Variants in GPATCH2 observed in about 807,000 individuals in gnomAD.
GPATCH2 encodes G patch domain-containing protein 2.
Under a neutral mutation model 58.0 loss-of-function variants are expected in GPATCH2, and 51 were observed. That is an observed-to-expected ratio of 0.88 (90% confidence interval 0.70 to 1.11). The LOEUF is 1.11. Ranked by LOEUF, GPATCH2 falls within the 50% of genes most tolerant of loss-of-function variation. The probability of loss-of-function intolerance (pLI) is 0.00; values close to 1 mark genes in which losing one functional copy is unlikely to be tolerated. For synonymous variants in GPATCH2, 222 were observed against 218.5 expected (o/e 1.02, Z -0.14); for missense variants, 625 against 652.2 (o/e 0.96, Z 0.45).
At chr1:217,511,201 C>G (rs750457199) in intron 6 of GPATCH2, among the ~76,000 whole-genome samples, 2 of 152,130 alleles carry the variant, frequency 1.3e-5, no homozygotes, top group African/African-American at 2.4e-5. Context: ...TAAATTCAAT[C>G]CCTCCACATC....
intron 6 of GPATCH2, among the ~76,000 whole-genome samples, chr1:217,512,495 T>A (rs1371772287): frequency 2.0e-5 from 3 of 152,218 alleles, no homozygotes; most frequent in Admixed American, 6.5e-5. Context: ...TACCTCTGTG[T>A]AGGATTTCTC....
At chr1:217,512,195 G>A (rs917268773) in intron 6 of GPATCH2, among the ~76,000 whole-genome samples, 1 of 152,100 alleles carries the variant, frequency 6.6e-6, no homozygotes, top group Admixed American at 6.5e-5. Context: ...GGTGGCCCAT[G>A]CTTGTAGTCC....
intron 5 of GPATCH2, among the ~76,000 whole-genome samples, chr1:217,516,625 A>G (rs1213123731): frequency 6.6e-6 from 1 of 152,206 alleles, no homozygotes; most frequent in Non-Finnish European, 1.5e-5. Flanking sequence ...TTAGAGGTTC[A>G]TGATCACATT....
At chr1:217,512,028 A>G (rs1334811085) in intron 6 of GPATCH2, among the ~76,000 whole-genome samples, 2 of 152,158 alleles carry the variant, frequency 1.3e-5, no homozygotes, top group Non-Finnish European at 2.9e-5. Context: ...AAATGAACCT[A>G]TAAAACATTA....
intron 5 of GPATCH2, among the ~76,000 whole-genome samples, chr1:217,579,966 G>A (rs538049049): frequency 2.0e-5 from 3 of 152,186 alleles, no homozygotes; most frequent in South Asian, 2.1e-4. Flanking sequence ...ATTAAGATAC[G>A]TTCAAAGTAT....
intron 7 of GPATCH2, chr1:217,492,369 C>T (rs1447219976): frequency 6.6e-6 from 1 of 152,132 alleles, no homozygotes; most frequent in Non-Finnish European, 1.5e-5. Flanking sequence ...CTTCCCTTTA[C>T]ACTTGCTTTA....
At chr1:217,567,028 A>G (rs1224670590) in intron 5 of GPATCH2, among the ~76,000 whole-genome samples, 4 of 150,478 alleles carry the variant, frequency 2.7e-5, no homozygotes, top group Non-Finnish European at 4.4e-5. Flanking sequence ...AACATCACTC[A>G]GCAAATATAA....
intron 5 of GPATCH2, among the ~76,000 whole-genome samples, chr1:217,569,678 A>G (rs1666444564): frequency 1.3e-5 from 2 of 152,070 alleles, no homozygotes. Context: ...CTGGGCGACG[A>G]GAGCAAAACT....
chr1:217,620,683 A>G (rs535203720), intron 1 of GPATCH2, among the ~76,000 whole-genome samples, 184 bp from the exon 2 acceptor site: 10 of 152,346 alleles, frequency 6.6e-5, no homozygotes, highest in African/African-American at 2.4e-4. Flanking sequence ...CTCTTCTTAT[A>G]TAAGTTCTTT....
chr1:217,483,844 T>G (rs1661329054), intron 8 of GPATCH2, among the ~76,000 whole-genome samples: 1 of 152,206 alleles, frequency 6.6e-6, no homozygotes, highest in African/African-American at 2.4e-5. Flanking sequence ...ATTACTGAGT[T>G]TTCAGAGTTG....
At chr1:217,458,229 C>CA (rs1240378184) in intron 8 of GPATCH2, among the ~76,000 whole-genome samples, 7 of 151,876 alleles carry the variant, frequency 4.6e-5, no homozygotes, top group East Asian at 1.9e-4. Flanking sequence ...AACTCCGTCT[C>CA]AAAAAAAAGA....
intron 5 of GPATCH2, among the ~76,000 whole-genome samples, chr1:217,586,064 C>T (rs1242065032): frequency 1.3e-5 from 2 of 152,128 alleles, no homozygotes; most frequent in East Asian, 3.9e-4. Flanking sequence ...CTGGAAGTTG[C>T]TCTGGGTTAG....
At chr1:217,615,592 G>A (rs974009309) in intron 2 of GPATCH2, among the ~76,000 whole-genome samples, 1 of 151,992 alleles carries the variant, frequency 6.6e-6, no homozygotes, top group East Asian at 1.9e-4. Flanking sequence ...CTCAAATGAA[G>A]GGTCTCATAT....
At chr1:217,449,099 C>T in intron 9 of GPATCH2, 150 bp downstream of exon 9, 2 of 625,392 alleles carry the variant, frequency 3.2e-6, no homozygotes, top group East Asian at 2.7e-5. Context: ...TGTAATACAC[C>T]CTGATACCAC....
intron 9 of GPATCH2, among the ~76,000 whole-genome samples, chr1:217,435,312 C>T (rs567115571): frequency 6.6e-6 from 1 of 152,344 alleles, no homozygotes; most frequent in East Asian, 1.9e-4. Context: ...TCTATTACAG[C>T]TGAGTCAGTC....
At chr1:217,524,295 G>A (rs1663690762) in intron 5 of GPATCH2, among the ~76,000 whole-genome samples, 1 of 151,224 alleles carries the variant, frequency 6.6e-6, no homozygotes, top group African/African-American at 2.4e-5. Context: ...TCACTTCCTA[G>A]ATGGGATGGC....
intron 6 of GPATCH2, among the ~76,000 whole-genome samples, chr1:217,504,712 C>T (rs908471403): frequency 6.6e-6 from 1 of 152,190 alleles, no homozygotes; most frequent in Non-Finnish European, 1.5e-5. Flanking sequence ...GATTCCATAT[C>T]TTGTATTTTT....
chr1:217,586,337 G>A (rs900872796), intron 5 of GPATCH2, among the ~76,000 whole-genome samples: 1 of 151,336 alleles, frequency 6.6e-6, no homozygotes, highest in Non-Finnish European at 1.5e-5. Flanking sequence ...TTATATTCTT[G>A]TTCTATAAGC....
intron 5 of GPATCH2, chr1:217,608,532 T>C (rs1462545547): frequency 5.1e-6 from 5 of 984,802 alleles, no homozygotes; most frequent in East Asian, 1.1e-4. Context: ...CACAGTGAGA[T>C]TGCAATAAGC....
Sources: allele counts gnomAD v4.1 joint callset (sites outside exome capture counted in the v4.1 genomes callset), GRCh38; gene constraint gnomAD v4.1.1; transcripts MANE v1.5; gene names NCBI Gene and HGNC (gene_info 2026-07-23, HGNC 2026-07-21).